The following AKAP3 variants were observed in gnomAD, a reference collection of about 807,000 sequenced individuals.
AKAP3 encodes the protein A-kinase anchoring protein 3.
A neutral mutation model predicts 57.2 loss-of-function variants in AKAP3; 27 were observed. That is an observed-to-expected ratio of 0.47 (90% CI 0.35 to 0.65). AKAP3 has a LOEUF of 0.65. Among genes scored for constraint, AKAP3 ranks in the 30% least tolerant of loss-of-function variants. The pLI is 0.01. For missense variants in AKAP3, 959 were observed against 1,040.0 expected, an observed-to-expected ratio of 0.92 and a Z score of 1.07; for synonymous variants, 334 against 392.3, an observed-to-expected ratio of 0.85 and a Z score of 1.76.
In AKAP3 at chr12:4,626,959, C is replaced by T. The variant is rs201592937; in HGVS notation, c.1943G>A (p.Gly648Asp). 4.5e-5 allele frequency: 73 copies of T among 1,613,968 alleles called. No individual in the cohort carries two copies. Among genetic ancestry groups the T allele is most frequent in the Non-Finnish European group, 5.9e-5 (70 of 1,180,024 alleles). ...PRLYEDDETP[G>D]ALSGLTKMAV... is the part of the protein sequence containing the mutation. Reference sequence around the variant, plus strand: ...CATCTTGGTCAGCCCAGAAAGGGCACCAGGGGTCTCATCATCCTCATATAG... The same window carrying T: ...CATCTTGGTCAGCCCAGAAAGGGCATCAGGGGTCTCATCATCCTCATATAG... Residue 648 changes from glycine (G) to aspartate (D), a missense_variant, in exon 5 of 6, where the codon GGT becomes GAT. By Grantham distance (94) the Gly-to-Asp change is moderately conservative. Coordinates refer to ENST00000228850, the MANE Select transcript of AKAP3 (RefSeq NM_001278309.2).
chr12:4,620,569 A>T (rs910004140), intron 5 of AKAP3, among the ~76,000 whole-genome samples: 23 of 151,902 alleles, frequency 1.5e-4, no homozygotes, highest in Non-Finnish European at 2.8e-4. Flanking sequence ...AATATATTTT[A>T]AAAATCATAA....
Position 4,627,419 on chromosome 12 carries a change from C to G in AKAP3, c.1483G>C (p.Glu495Gln), listed in dbSNP as rs760193123. ...QRKPASDISF[E>Q]YPEDIGNLSL... ...AGGTTGCCAATATCTTCAGGGTACT[C>G]AAAGGAAATGTCTGATGCAGGCTTA... Residue 495 changes from glutamate to glutamine, a missense_variant, in exon 5 of 6, where the codon GAG becomes CAG. Transcript: ENST00000228850. The G allele has an allele frequency of 6.2e-7, 1 of 1,613,914 alleles. No individual in the cohort carries two copies. The highest frequency in any genetic ancestry group is 8.5e-7 in the Non-Finnish European group (1 of 1,179,948).
At chr12:4,623,479 C>T (rs7975484) in intron 5 of AKAP3, among the ~76,000 whole-genome samples, 57,737 of 152,028 alleles carry the variant, frequency 0.38, 13,670 homozygotes, top group Middle Eastern at 0.53. Context: ...CAGTTGGAGG[C>T]CATTGCCATT....
At chr12:4,639,581 C>T (rs549540129) in intron 3 of AKAP3, among the ~76,000 whole-genome samples, 3 of 151,606 alleles carry the variant, frequency 2.0e-5, no homozygotes, top group South Asian at 2.1e-4. Flanking sequence ...CCCCCATCCC[C>T]CCACCCCACA....
chr12:4,633,127 A>C (rs559830865), intron 4 of AKAP3, among the ~76,000 whole-genome samples: 10 of 151,604 alleles, frequency 6.6e-5, no homozygotes, highest in East Asian at 1.9e-4. Flanking sequence ...AAAAAAAAAA[A>C]AAACAAAAAA....
chr12:4,646,318 T>C (rs1945697675), intron 1 of AKAP3, among the ~76,000 whole-genome samples: 1 of 152,072 alleles, frequency 6.6e-6, no homozygotes, highest in African/African-American at 2.4e-5. Flanking sequence ...GGCCACGAGA[T>C]AATGATGAAA....
At chr12:4,645,400 G>C (rs1272393573) in intron 1 of AKAP3, 1 of 152,200 alleles carries the variant, frequency 6.6e-6, no homozygotes, top group African/African-American at 2.4e-5. Flanking sequence ...TCACACCAGG[G>C]ACCAGTTTTG....
chr12:4,637,020 A>G (rs1367919394), intron 4 of AKAP3, among the ~76,000 whole-genome samples: 1 of 152,224 alleles, frequency 6.6e-6, no homozygotes, highest in East Asian at 1.9e-4. Context: ...TGTTAGGATT[A>G]CAGGTGTGAG....
intron 5 of AKAP3, among the ~76,000 whole-genome samples, chr12:4,619,062 G>A (rs1312064662): frequency 4.6e-5 from 7 of 152,244 alleles, no homozygotes; most frequent in Non-Finnish European, 8.8e-5. Flanking sequence ...AGCACATAAC[G>A]GAATAACGTG....
chr12:4,628,509 G>A lies in AKAP3; in HGVS notation c.393C>T (p.Leu131=). 2 of 1,614,206 alleles carry A rather than the reference G, an allele frequency of 1.2e-6. No homozygotes were observed. The highest frequency in any genetic ancestry group is 1.1e-5 in the South Asian group (1 of 91,082). ...VDEVSFYANR[L]TNLVIAMARK... is the part of the protein sequence containing the mutation. ...GGGCCATGGCTATGACTAGATTCGT[G>A]AGGCGGTTAGCATAGAAGGAAACTT... Residue 131 remains leucine (L), a synonymous_variant, in exon 5 of 6, where the codon CTC becomes CTT. Coordinates refer to ENST00000228850, the MANE Select transcript of AKAP3 (RefSeq NM_001278309.2).
intron 2 of AKAP3, among the ~76,000 whole-genome samples, chr12:4,643,682 G>A (rs1193148142): frequency 6.6e-6 from 1 of 152,160 alleles, no homozygotes; most frequent in African/African-American, 2.4e-5. Flanking sequence ...TCTCAAAAAT[G>A]TCAATGTGAT....
At chr12:4,641,062 C>CT (rs374817430) in intron 3 of AKAP3, among the ~76,000 whole-genome samples, 864 of 68,690 alleles carry the variant, frequency 0.013, 133 homozygotes, top group African/African-American at 0.041. Flanking sequence ...TTCTAACTTC[C>CT]TTTTTTTTTT....
chr12:4,646,793 C>CT (rs1442400793), intron 1 of AKAP3, among the ~76,000 whole-genome samples: 1 of 151,244 alleles, frequency 6.6e-6, no homozygotes, highest in South Asian at 2.1e-4. Context: ...TTTCTTTTTT[C>CT]TTTTTTTTGA....
intron 5 of AKAP3, among the ~76,000 whole-genome samples, chr12:4,618,313 C>T (rs918208112): frequency 6.6e-6 from 1 of 152,122 alleles, no homozygotes; most frequent in Admixed American, 6.5e-5. Context: ...TTGAATCTAA[C>T]ATTTATGGTC....
chr12:4,643,559 G>C (rs1945661460), intron 2 of AKAP3, among the ~76,000 whole-genome samples: 1 of 152,194 alleles, frequency 6.6e-6, no homozygotes, highest in Non-Finnish European at 1.5e-5. Context: ...TTGAGGCTCA[G>C]AAAGGAAATA....
chr12:4,646,055 G>A (rs1242418516), intron 1 of AKAP3, among the ~76,000 whole-genome samples: 1 of 151,950 alleles, frequency 6.6e-6, no homozygotes, highest in Non-Finnish European at 1.5e-5. Flanking sequence ...AGGATATTTT[G>A]CCTAAACTGA....
intron 3 of AKAP3, among the ~76,000 whole-genome samples, chr12:4,639,058 C>T (rs1252898920): frequency 1.3e-5 from 2 of 152,200 alleles, no homozygotes; most frequent in African/African-American, 2.4e-5. Flanking sequence ...CTTATACCTG[C>T]TGCTTTCATT....
rs185063515 is a variant in AKAP3, at chr12:4,639,560, A to G, written c.1-1364T>C. 7.5e-3 allele frequency among the ~76,000 whole-genome samples: 1,142 copies of G among 151,888 alleles called. 15 individuals carry two copies. Among genetic ancestry groups the G allele is most frequent in the African/African-American group, 0.026 (1,081 of 41,350 alleles). ...TCATTTACATTAGGTATTTCTCCTA[A>G]TGCTGTCCCTCCCCCATCCCCCCAC... On this transcript the variant is annotated intron_variant, in intron 3 of 5. Transcript: ENST00000228850.
Position 4,649,050 on chromosome 12 carries a change from G to C in AKAP3, c.-550C>G. The C allele has an allele frequency of 2.6e-6, 4 of 1,520,338 alleles. No individual in the cohort carries two copies. The highest frequency in any genetic ancestry group is 2.0e-5 in the Admixed American group (1 of 51,094). The allele number at this position is 1,520,338 out of a possible 1,614,324, so 94.2% of individuals were successfully genotyped here. A position where few individuals can be genotyped will look rare whatever the true frequency, so the allele number is the denominator to read the frequency against. ...TCTTGGTTAGCGCTTGCGCAGACAGGCGAGAAAGGTAAGTTTTGACCCAGC... is the reference window on the plus strand; with the variant it reads ...TCTTGGTTAGCGCTTGCGCAGACAGCCGAGAAAGGTAAGTTTTGACCCAGC... On this transcript the variant is annotated 5_prime_UTR_variant, in exon 1 of 6. Transcript: ENST00000228850.
Sources: allele counts gnomAD v4.1 joint callset (sites outside exome capture counted in the v4.1 genomes callset), GRCh38; gene constraint gnomAD v4.1.1; transcripts MANE v1.5; gene names NCBI Gene and HGNC (gene_info 2026-07-23, HGNC 2026-07-21).